PCDHGB1: variants seen among roughly 807,000 people sequenced by gnomAD.
The protein encoded by PCDHGB1 is protocadherin gamma-B1.
PCDHGB1 carries 34 observed loss-of-function variants against 56.6 expected under a neutral mutation model. The ratio of observed to expected loss-of-function variants is 0.60; its 90% confidence interval spans 0.46 to 0.80. PCDHGB1 has a LOEUF of 0.80. PCDHGB1 is among the 30% of genes least tolerant of loss of function. The probability of loss-of-function intolerance (pLI) is 0.00; values close to 1 mark genes in which losing one functional copy is unlikely to be tolerated. For synonymous variants in PCDHGB1, 561 were observed against 505.9 expected (o/e 1.11, Z -1.46); for missense variants, 1,278 against 1,204.6 (o/e 1.06, Z -0.90).
chr5:141,370,451 C>A, intron 1 of PCDHGB1: 1 of 1,611,138 alleles, frequency 6.2e-7, no homozygotes, highest in Non-Finnish European at 8.5e-7. Flanking sequence ...TGCTATTTCT[C>A]TTCCTGCTCT....
chr5:141,430,910 G>C, intron 1 of PCDHGB1: 2 of 1,608,040 alleles, frequency 1.2e-6, no homozygotes, highest in South Asian at 1.1e-5. Context: ...CATCTCCAGG[G>C]ACCTGGGGCT....
intron 1 of PCDHGB1, chr5:141,393,005 C>T: frequency 6.2e-7 from 1 of 1,613,866 alleles, no homozygotes; most frequent in Non-Finnish European, 8.5e-7. Context: ...AGCACGGAGT[C>T]CGTATCGTCT....
intron 1 of PCDHGB1, among the ~76,000 whole-genome samples, chr5:141,386,466 A>G (rs1317226366): frequency 3.9e-5 from 6 of 152,122 alleles, no homozygotes; most frequent in Non-Finnish European, 8.8e-5. Context: ...GCTTGAACCC[A>G]AGAATTGGAG....
At chr5:141,470,323 A>G (rs1029928511) in intron 1 of PCDHGB1, among the ~76,000 whole-genome samples, 1 of 152,188 alleles carries the variant, frequency 6.6e-6, no homozygotes, top group Non-Finnish European at 1.5e-5. Context: ...AAATGATCCC[A>G]TAATTTGACC....
chr5:141,361,276 G>A (rs1242362767), intron 1 of PCDHGB1: 6 of 1,613,950 alleles, frequency 3.7e-6, no homozygotes, highest in East Asian at 2.2e-5. Flanking sequence ...AGAAAATGGA[G>A]AAGTTTACTG....
chr5:141,371,177 A>G lies in PCDHGB1; in HGVS notation c.2409+18508A>G, dbSNP rs757223785. 48 of 1,613,920 alleles carry G rather than the reference A, an allele frequency of 3.0e-5. No homozygotes were observed. In the South Asian group the frequency reaches 4.9e-4, roughly 17 times the overall value. ...AGAACCTGCCCGCTGGCTCCTCCGT[A>G]TTAAAAGTGATGGCCATTGACATGG... On this transcript the variant is annotated intron_variant, in intron 1 of 3. Coordinates refer to ENST00000523390, the MANE Select transcript of PCDHGB1 (RefSeq NM_018922.3).
chr5:141,401,512 A>G (rs556332375), intron 1 of PCDHGB1, among the ~76,000 whole-genome samples: 2 of 152,374 alleles, frequency 1.3e-5, no homozygotes, highest in South Asian at 4.1e-4. Context: ...CCACCTCTAT[A>G]TAATTACCAG....
At chr5:141,499,570 A>C (rs1027373056) in intron 2 of PCDHGB1, among the ~76,000 whole-genome samples, 2 of 152,200 alleles carry the variant, frequency 1.3e-5, no homozygotes, top group Non-Finnish European at 2.9e-5. Flanking sequence ...TCCAGCTTCA[A>C]CTAATGCCTT....
At chr5:141,376,472 T>C (rs1561574117) in intron 1 of PCDHGB1, 1 of 1,614,108 alleles carries the variant, frequency 6.2e-7, no homozygotes, top group Non-Finnish European at 8.5e-7. Context: ...AACTCAGGAT[T>C]TACTTGAAAC....
rs1165828230 is a variant in PCDHGB1, at chr5:141,511,464, C to T, written c.*291C>T. On this transcript the variant is annotated 3_prime_UTR_variant, in exon 4 of 4. Coordinates refer to ENST00000523390, the MANE Select transcript of PCDHGB1 (RefSeq NM_018922.3). ...ACACCAAGAACCATTTGCCACACCCCGTTTAGTTACAGCTGAACTCCTCCA... is the reference window on the plus strand; with the variant it reads ...ACACCAAGAACCATTTGCCACACCCTGTTTAGTTACAGCTGAACTCCTCCA... 9 of 538,254 alleles carry T rather than the reference C, an allele frequency of 1.7e-5. No individual in the cohort carries two copies. The highest frequency in any genetic ancestry group is 7.8e-5 in the East Asian group (2 of 25,720). 33.3% of individuals were successfully genotyped at this position (538,254 alleles called of 1,614,324 possible).
chr5:141,352,536 CAG>C lies in PCDHGB1; in HGVS notation c.2279_2280del (p.Glu760ValfsTer2), dbSNP rs745565888. 2.5e-6 allele frequency: 4 copies of C among 1,614,032 alleles called. No individual in the cohort carries two copies. The highest frequency in any genetic ancestry group is 2.2e-5 in the South Asian group (2 of 91,084). On this transcript the variant is annotated frameshift_variant, in exon 1 of 4. Transcript: ENST00000523390. LOFTEE classifies it high-confidence loss of function. ...TGTATTGCCTCTCATTCTGCAAAGA[CAG>C]AGTTTAATTCTCTCAACCTGACACC...
chr5:141,364,603 C>T (rs1763435193), intron 1 of PCDHGB1: 2 of 1,614,062 alleles, frequency 1.2e-6, no homozygotes, highest in African/African-American at 1.3e-5. Flanking sequence ...GCAGGATAGA[C>T]CGGGAGGAGC....
rs759220286 is a variant in PCDHGB1 at position 141,490,018 on chromosome 5, C to G, written c.2410-4789C>G. The G allele has an allele frequency of 6.2e-7, 1 of 1,614,252 alleles. No individual in the cohort carries two copies. Among genetic ancestry groups the G allele is most frequent in the Non-Finnish European group, 8.5e-7 (1 of 1,180,038 alleles). ...CCCAGAGAATGCACCCATTGGTACTCTGCTGCTCCGCCTCAATGCCACTGA... is the reference window on the plus strand; with the variant it reads ...CCCAGAGAATGCACCCATTGGTACTGTGCTGCTCCGCCTCAATGCCACTGA... On this transcript the variant is annotated intron_variant, in intron 1 of 3. Transcript: ENST00000523390. This position sits in a 1 kb window ranked among gnomAD's most constrained non-coding sequence, Gnocchi z 5.4.
chr5:141,393,771 C>G (rs1207407733), intron 1 of PCDHGB1: 4 of 1,613,874 alleles, frequency 2.5e-6, no homozygotes, highest in Non-Finnish European at 3.4e-6. Context: ...AATGGAAATA[C>G]AAGCCGAAGA....
rs770808281 is a variant in PCDHGB1, at chr5:141,375,056, C to T, written c.2409+22387C>T. The T allele has an allele frequency of 1.9e-6, 3 of 1,613,848 alleles. No individual in the cohort carries two copies. The East Asian group carries it at 6.7e-5, about 36-fold the overall frequency. On this transcript the variant is annotated intron_variant, in intron 1 of 3. Transcript: ENST00000523390. ...GCTGGGTGTTGAAGCCCGGGATGGG[C>T]CAGGTCTTCGAGACAGAGCGAAAGT...
intron 1 of PCDHGB1, chr5:141,413,382 CAT>C (rs752944261): frequency 2.5e-6 from 4 of 1,613,998 alleles, no homozygotes; most frequent in Non-Finnish European, 3.4e-6. Flanking sequence ...GCGGAGTCCG[CAT>C]AGTCTCCAGA....
chr5:141,385,212 C>T, intron 1 of PCDHGB1: 1 of 1,614,230 alleles, frequency 6.2e-7, no homozygotes, highest in Non-Finnish European at 8.5e-7. Context: ...TGATCTTCCC[C>T]CAGCCCAACT....
intron 2 of PCDHGB1, among the ~76,000 whole-genome samples, chr5:141,500,289 A>G (rs1440166636): frequency 6.6e-6 from 1 of 151,486 alleles, no homozygotes; most frequent in African/African-American, 2.4e-5. Flanking sequence ...GCTCACTGCA[A>G]GCTCCGCCTC....
intron 1 of PCDHGB1, chr5:141,383,907 A>T: frequency 1.2e-6 from 2 of 1,613,958 alleles, no homozygotes; most frequent in Non-Finnish European, 1.7e-6. Flanking sequence ...TACTGATCAC[A>T]GTTTTAGATG....
Sources: gnomAD v4.1 joint callset for allele counts (sites outside exome capture counted in the v4.1 genomes callset) on GRCh38, gnomAD v4.1.1 for gene constraint, Gnocchi (gnomAD v3.1) non-coding constraint, MANE v1.5 for transcripts, NCBI Gene and HGNC (gene_info 2026-07-23, HGNC 2026-07-21) for gene names.